NOTUM: variants seen among roughly 807,000 people sequenced by gnomAD.
NOTUM encodes the protein palmitoleoyl-protein carboxylesterase NOTUM.
NOTUM carries 36 observed loss-of-function variants against 65.5 expected under a neutral mutation model. That is an observed-to-expected ratio of 0.55 (90% CI 0.42 to 0.73). The LOEUF (loss-of-function observed/expected upper bound fraction) is 0.73, where lower values mean the gene tolerates loss of function less well. Among genes scored for constraint, NOTUM ranks in the 30% least tolerant of loss-of-function variants. The pLI is 0.00. For missense variants in NOTUM, 659 were observed against 694.2 expected (o/e 0.95, Z 0.57); for synonymous variants, 356 against 297.9 (o/e 1.20, Z -2.01).
At chr17:81,957,964 C>T (rs918163162) in intron 5 of NOTUM, 56 bp from the exon 6 acceptor site, 18 of 1,285,294 alleles carry the variant, frequency 1.4e-5, no homozygotes, top group Middle Eastern at 3.7e-4. Context: ...GAACCACCTC[C>T]TACCCCAGAA....
chr17:81,957,307 T>G (rs1474806188), intron 6 of NOTUM, among the ~76,000 whole-genome samples: 1 of 152,144 alleles, frequency 6.6e-6, no homozygotes, highest in African/African-American at 2.4e-5. Flanking sequence ...GGCTCTCCCC[T>G]TCCTCCTCCC....
chr17:81,960,778 C>T lies in NOTUM; in HGVS notation c.132G>A (p.Ala44=). Reference sequence around the variant, plus strand: ...GGAAGCTCTCCACGGGCTGTCCGGCCGCCGGCGCCGCCTCGGTCCGCGGGG... The same window carrying T: ...GGAAGCTCTCCACGGGCTGTCCGGCTGCCGGCGCCGCCTCGGTCCGCGGGG... ...PPPPRTEAAP[A]AGQPVESFPL... Residue 44 remains alanine, a synonymous_variant, in exon 1 of 11, where the codon GCG becomes GCA. Transcript: ENST00000409678. This position sits in a 1 kb window ranked among gnomAD's most constrained non-coding sequence, Gnocchi z 6.4. 6.4e-7 allele frequency: 1 copy of T among 1,566,688 alleles called. No individual in the cohort carries two copies.
Position 81,955,522 on chromosome 17 carries a change from C to G in NOTUM, c.1011G>C (p.Trp337Cys). 1 of 1,611,282 alleles carries G rather than the reference C, an allele frequency of 6.2e-7. No homozygotes were observed. Among genetic ancestry groups the G allele is most frequent in the South Asian group, 1.1e-5 (1 of 91,044 alleles). Reference protein sequence around the residue: ...TLRCPVFVVQWLFDEAQLTVD... With the variant: ...TLRCPVFVVQCLFDEAQLTVD... ...CCGTCAGCTGTGCCTCGTCAAACAG[C>G]CACTGCACCACGAACACAGGGCCTG... The change falls in exon 9 of 11, where the codon TGG (tryptophan) becomes TGC (cysteine). Residue 337 changes from tryptophan to cysteine, a missense_variant. Trp to Cys is a radical substitution (Grantham distance 215). Coordinates refer to ENST00000409678, the MANE Select transcript of NOTUM (RefSeq NM_178493.6).
chr17:81,959,672 C>G lies in NOTUM; in HGVS notation c.344G>C (p.Arg115Thr), dbSNP rs1377839731. 1 of 1,542,494 alleles carries G rather than the reference C, an allele frequency of 6.5e-7. No individual in the cohort carries two copies. Among genetic ancestry groups the G allele is most frequent in the Admixed American group, 2.0e-5 (1 of 50,750 alleles). Reference sequence around the variant, plus strand: ...GAAGAGGAGCCACCGCCGGCTGCCCCTGGACTCCTTCAGGTAGTAGCTGCG... The same window carrying G: ...GAAGAGGAGCCACCGCCGGCTGCCCGTGGACTCCTTCAGGTAGTAGCTGCG... ...SPAGYYLKESRGSRRWLLFLE... is the reference protein window; with the variant it reads ...SPAGYYLKESTGSRRWLLFLE... Residue 115 changes from arginine to threonine, a missense_variant, in exon 2 of 11, where the codon AGG becomes ACG. By Grantham distance (71) the Arg-to-Thr change is moderately conservative (BLOSUM62 -1). Coordinates refer to ENST00000409678, the MANE Select transcript of NOTUM (RefSeq NM_178493.6).
At position 81,953,155 on chromosome 17, in the gene NOTUM, G is replaced by C; in HGVS notation, c.1297C>G (p.Pro433Ala). The change falls in exon 11 of 11, where the codon CCC becomes GCC. Residue 433 changes from proline to alanine, a missense_variant. Transcript: ENST00000409678. ...KASKTPLKGC[P>A]VHLVDSCPWP... Reference sequence around the variant, plus strand: ...GGGCAGCTGTCCACCAGGTGGACGGGGCAGCCCTTGAGGGGGGTCTTGCTG... The same window carrying C: ...GGGCAGCTGTCCACCAGGTGGACGGCGCAGCCCTTGAGGGGGGTCTTGCTG... 1 of 1,612,762 alleles carries C rather than the reference G, an allele frequency of 6.2e-7. No individual in the cohort carries two copies. Among genetic ancestry groups the C allele is most frequent in the South Asian group, 1.1e-5 (1 of 91,038 alleles).
rs754130294 is a variant in NOTUM at position 81,953,259 on chromosome 17, G to T, written c.1193C>A (p.Thr398Lys). ...CGACGTCCCCTTCACCTGGACATCC[G>T]TCCAGTGGCTGCAGAGGAAAACCGG... ...SHEIIIRSHW[T>K]DVQVKGTSLP... The change falls in exon 11 of 11, where the codon ACG becomes AAG. Residue 398 changes from threonine (T) to lysine (K), a missense_variant. Physicochemically the swap from Thr to Lys is moderately conservative, Grantham distance 78. Transcript: ENST00000409678. 6.2e-7 allele frequency: 1 copy of T among 1,604,196 alleles called. No homozygotes were observed. Among genetic ancestry groups the T allele is most frequent in the East Asian group, 2.2e-5 (1 of 44,708 alleles).
chr17:81,957,546 C>G (rs1426957525), intron 6 of NOTUM, among the ~76,000 whole-genome samples: 1 of 152,090 alleles, frequency 6.6e-6, no homozygotes, highest in Admixed American at 6.5e-5. Context: ...CAAACCTTCC[C>G]CTATATCCAA....
At position 81,956,791 on chromosome 17, in the gene NOTUM, C is replaced by G. The variant is rs756559107; in HGVS notation, c.888-41G>C. On this transcript the variant is annotated intron_variant, in intron 7 of 10. Coordinates refer to ENST00000409678, the MANE Select transcript of NOTUM (RefSeq NM_178493.6). ...CAGGTTAGGCTGCCGTGGGTCTCGT[C>G]CCCCGGGGCTCCCCACCCACAGATG... 13 of 1,594,194 alleles carry G rather than the reference C, an allele frequency of 8.2e-6. 1 individual carries two copies. In the Admixed American group the frequency reaches 1.7e-4, roughly 21 times the overall value.
intron 5 of NOTUM, 104 bp downstream of exon 5, chr17:81,958,231 C>T (rs1437427023): frequency 5.1e-6 from 4 of 779,166 alleles, no homozygotes; most frequent in Non-Finnish European, 8.8e-6. Context: ...TCCCCAGAAC[C>T]CCTGCCGTCC....
intron 10 of NOTUM, among the ~76,000 whole-genome samples, chr17:81,953,870 C>T (rs2041407589): frequency 6.6e-6 from 1 of 151,336 alleles, no homozygotes; most frequent in Non-Finnish European, 1.5e-5. Flanking sequence ...TAACCTCTGT[C>T]TCCCAGGTTC....
At chr17:81,959,767 G>T (rs1197029818) in intron 1 of NOTUM, 75 bp from the exon 2 acceptor site, 2 of 923,548 alleles carry the variant, frequency 2.2e-6, no homozygotes, top group Non-Finnish European at 2.9e-6. Context: ...CAGCTCCGGC[G>T]GAGGGAACGC....
chr17:81,959,897 G>C (rs1348710933), intron 1 of NOTUM: 2 of 196,666 alleles, frequency 1.0e-5, no homozygotes, highest in African/African-American at 2.4e-5. Context: ...AACGGGCCGC[G>C]CGGGGCTGTG....
intron 10 of NOTUM, 55 bp from the exon 11 acceptor site, chr17:81,953,322 A>T: frequency 8.4e-7 from 1 of 1,195,264 alleles, no homozygotes; most frequent in Non-Finnish European, 1.2e-6. Context: ...ATCAACACTG[A>T]GGCAGCTGTT....
Position 81,952,915 on chromosome 17 carries a change from G to T in NOTUM, c.*46C>A. On this transcript the variant is annotated 3_prime_UTR_variant, in exon 11 of 11. Coordinates refer to ENST00000409678, the MANE Select transcript of NOTUM (RefSeq NM_178493.6). ...GGGGGTGAGGTGGCACTGGGGCAGC[G>T]GGTGTCTGGGCCCCTCAGTGCCGGC... 2 of 1,540,056 alleles carry T rather than the reference G, an allele frequency of 1.3e-6. No homozygotes were observed. The highest frequency in any genetic ancestry group is 1.8e-6 in the Non-Finnish European group (2 of 1,117,380).
rs1220248864 is a variant in NOTUM, at chr17:81,960,316, C to T, written c.323+271G>A. ...AGGCGCGCTCTCGGGCTGCCATCTCCCCGCCCCGGGACCGAAGGACGCCAG... is the reference window on the plus strand; with the variant it reads ...AGGCGCGCTCTCGGGCTGCCATCTCTCCGCCCCGGGACCGAAGGACGCCAG... On this transcript the variant is annotated intron_variant, in intron 1 of 10. Coordinates refer to ENST00000409678, the MANE Select transcript of NOTUM (RefSeq NM_178493.6). The surrounding 1 kb of genome is among the most constrained non-coding windows in gnomAD (Gnocchi z 6.4). Among the ~76,000 whole-genome samples the T allele has an allele frequency of 6.6e-6, 1 of 152,232 alleles. No homozygotes were observed. The highest frequency in any genetic ancestry group is 1.5e-5 in the Non-Finnish European group (1 of 68,034).
chr17:81,953,125 G>T lies in NOTUM; in HGVS notation c.1327C>A (p.Pro443Thr), dbSNP rs565860098. ...GTGGGGCATGAGGGGTTGCAGTGGG[G>T]CCAGGGGCAGCTGTCCACCAGGTGG... ...PVHLVDSCPW[P>T]HCNPSCPTVR... The change falls in exon 11 of 11, where the codon CCC becomes ACC. Residue 443 changes from proline to threonine, a missense_variant. Transcript: ENST00000409678. 6.2e-7 allele frequency: 1 copy of T among 1,613,590 alleles called. No homozygotes were observed. Among genetic ancestry groups the T allele is most frequent in the African/African-American group, 1.3e-5 (1 of 75,040 alleles).
In NOTUM at chr17:81,957,861, C is replaced by G. The variant is rs974774864; in HGVS notation, c.640G>C (p.Glu214Gln). The change falls in exon 6 of 11, where the codon GAG becomes CAG. Residue 214 changes from glutamate to glutamine, a missense_variant. By Grantham distance (29) the Glu-to-Gln change is conservative. Coordinates refer to ENST00000409678, the MANE Select transcript of NOTUM (RefSeq NM_178493.6). ...CCGCTCAGCCCTCTGCCCAGAAGCTCCCGCACCACCTCCTGGATGATGAGG... is the reference window on the plus strand; with the variant it reads ...CCGCTCAGCCCTCTGCCCAGAAGCTGCCGCACCACCTCCTGGATGATGAGG... ...GALIIQEVVR[E>Q]LLGRGLSGAK... The G allele has an allele frequency of 3.7e-6, 6 of 1,609,464 alleles. No individual in the cohort carries two copies. In the African/African-American group the frequency reaches 8.0e-5, roughly 22 times the overall value.
intron 4 of NOTUM, 130 bp from the exon 5 acceptor site, chr17:81,958,523 A>G (rs142985517): frequency 1.5e-6 from 1 of 676,428 alleles, no homozygotes; most frequent in African/African-American, 1.8e-5. Context: ...CCATCCCAGG[A>G]TAGAACTTCC....
intron 4 of NOTUM, 113 bp from the exon 5 acceptor site, chr17:81,958,506 G>A: frequency 1.4e-6 from 1 of 738,458 alleles, no homozygotes; most frequent in Non-Finnish European, 2.4e-6. Flanking sequence ...GGATTCCCCT[G>A]GAAGGACCAT....
Sources: allele counts gnomAD v4.1 joint callset (sites outside exome capture counted in the v4.1 genomes callset), GRCh38; gene constraint gnomAD v4.1.1; non-coding constraint Gnocchi (gnomAD v3.1); transcripts MANE v1.5; gene names NCBI Gene and HGNC (gene_info 2026-07-23, HGNC 2026-07-21).